Variants in TRPM6 observed in about 807,000 individuals in gnomAD.
TRPM6 encodes channel kinase 2.
TRPM6 carries 111 observed loss-of-function variants against 247.6 expected under a neutral mutation model. That is an observed-to-expected ratio of 0.45 (90% CI 0.38 to 0.52). The LOEUF is 0.52. Among genes scored for constraint, TRPM6 ranks in the 20% least tolerant of loss-of-function variants. The pLI, the probability that TRPM6 is intolerant of heterozygous loss-of-function variation, is 0.00. For synonymous variants in TRPM6, 892 were observed against 853.8 expected (o/e 1.04, Z -0.78); for missense variants, 2,126 against 2,421.5 (o/e 0.88, Z 2.56).
intron 1 of TRPM6, among the ~76,000 whole-genome samples, chr9:74,863,774 G>C (rs1267126200): frequency 6.6e-6 from 1 of 151,904 alleles, no homozygotes. Flanking sequence ...TTTTGGTAGA[G>C]ATGGGGTTTC....
intron 7 of TRPM6, among the ~76,000 whole-genome samples, chr9:74,824,145 T>G (rs1020170656): frequency 2.0e-5 from 3 of 150,870 alleles, no homozygotes; most frequent in Admixed American, 6.6e-5. Context: ...GAATTCAATT[T>G]CTGTTAGGTA....
intron 1 of TRPM6, among the ~76,000 whole-genome samples, chr9:74,877,134 A>G (rs1831217827): frequency 1.3e-5 from 2 of 152,252 alleles, no homozygotes; most frequent in African/African-American, 2.4e-5. Flanking sequence ...GTAAAATAAT[A>G]CAGTTGCTTT....
At chr9:74,862,382 G>A (rs548771405) in intron 1 of TRPM6, among the ~76,000 whole-genome samples, 6 of 152,260 alleles carry the variant, frequency 3.9e-5, no homozygotes, top group African/African-American at 1.2e-4. Flanking sequence ...AGCTATCATG[G>A]CAGTCTTCAT....
At chr9:74,831,622 TGGAATTGTATGAAAAGA>T (rs1829549934) in intron 6 of TRPM6, among the ~76,000 whole-genome samples, 1 of 151,986 alleles carries the variant, frequency 6.6e-6, no homozygotes, top group Admixed American at 6.6e-5. Flanking sequence ...TGATAGACAA[TGGAATTGTATGAAAAGA>T]GGAGGAGACA....
Position 74,739,782 on chromosome 9 carries a change from C to G in TRPM6, c.5428G>C (p.Val1810Leu). 1.2e-6 allele frequency: 2 copies of G among 1,614,144 alleles called. No individual in the cohort carries two copies. The highest frequency in any genetic ancestry group is 1.3e-5 in the African/African-American group (1 of 75,042). Reference protein sequence around the residue: ...VFIVKSFLPEVVRTWHKIFQE... With the variant: ...VFIVKSFLPELVRTWHKIFQE... ...AAGATTTTATGCCATGTCCGCACAACCTCAGGAAGAAAGGACTTGACAATG... is the reference window on the plus strand; with the variant it reads ...AAGATTTTATGCCATGTCCGCACAAGCTCAGGAAGAAAGGACTTGACAATG... The change falls in exon 34 of 39, where the codon GTT becomes CTT. Residue 1810 changes from valine (V) to leucine (L), a missense_variant. Val to Leu is a conservative substitution (Grantham distance 32, BLOSUM62 1). Transcript: ENST00000360774.
At chr9:74,739,483 T>C (rs761560968) in intron 34 of TRPM6, 34 bp from the exon 35 acceptor site, 27 of 1,592,946 alleles carry the variant, frequency 1.7e-5, no homozygotes, top group Middle Eastern at 1.7e-4. Context: ...AAAATACTGA[T>C]TTACTGTTGT....
At chr9:74,757,539 C>G (rs1291492576) in intron 27 of TRPM6, among the ~76,000 whole-genome samples, 1 of 140,536 alleles carries the variant, frequency 7.1e-6, no homozygotes, top group African/African-American at 2.7e-5. Flanking sequence ...GCACTCCAGC[C>G]TGGGTGACAG....
chr9:74,747,836 G>A lies in TRPM6; in HGVS notation c.5083+53C>T, dbSNP rs73650058. 5.3e-3 allele frequency: 7,382 copies of A among 1,399,148 alleles called. 249 individuals are homozygous for A. The African/African-American group carries it at 0.082, about 16-fold the overall frequency. The allele number at this position is 1,399,148 out of a possible 1,614,324, so 86.7% of individuals were successfully genotyped here. ...AAATATCAGCAGGACAGTGAACCTC[G>A]CATTAAAAAGATGAAAAAATAAAAA... is the stretch of plus-strand genomic sequence containing the variant. On this transcript the variant is annotated intron_variant, in intron 31 of 38. Coordinates refer to ENST00000360774, the MANE Select transcript of TRPM6 (RefSeq NM_017662.5).
At chr9:74,860,406 C>T (rs1587591216) in intron 1 of TRPM6, among the ~76,000 whole-genome samples, 2 of 151,988 alleles carry the variant, frequency 1.3e-5, no homozygotes, top group South Asian at 2.1e-4. Context: ...CAGCCTGGCT[C>T]ACTGCAATCT....
chr9:74,835,378 G>C (rs1829690762), intron 5 of TRPM6, among the ~76,000 whole-genome samples: 2 of 146,816 alleles, frequency 1.4e-5, no homozygotes, highest in South Asian at 4.6e-4. Context: ...CTCCTATTAT[G>C]AATGTTTTTT....
At chr9:74,848,737 C>A (rs888082391) in intron 3 of TRPM6, among the ~76,000 whole-genome samples, 12 of 152,288 alleles carry the variant, frequency 7.9e-5, no homozygotes, top group African/African-American at 2.9e-4. Flanking sequence ...TTCTAAATTT[C>A]TGTGTCTATA....
chr9:74,863,888 C>CTTTTT (rs57621871), intron 1 of TRPM6, among the ~76,000 whole-genome samples: 2 of 149,042 alleles, frequency 1.3e-5, no homozygotes, highest in Admixed American at 1.3e-4. Context: ...GCCCGGCAAC[C>CTTTTT]TTTTTTTTTT....
chr9:74,735,835 A>C (rs1825677955), intron 36 of TRPM6, among the ~76,000 whole-genome samples: 1 of 152,202 alleles, frequency 6.6e-6, no homozygotes, highest in Non-Finnish European at 1.5e-5. Flanking sequence ...CTGGTGTGGC[A>C]GCTTCTGGGG....
At chr9:74,759,819 A>G (rs1458817651) in intron 27 of TRPM6, among the ~76,000 whole-genome samples, 1 of 152,244 alleles carries the variant, frequency 6.6e-6, no homozygotes, top group African/African-American at 2.4e-5. Context: ...TACGAAAATT[A>G]AAAGGCAAAC....
chr9:74,767,374 G>A (rs73532449), intron 25 of TRPM6, among the ~76,000 whole-genome samples: 3,107 of 152,202 alleles, frequency 0.02, 113 homozygotes, highest in African/African-American at 0.072. Flanking sequence ...GTCCCAAATA[G>A]GGAAAGTAAG....
intron 17 of TRPM6, among the ~76,000 whole-genome samples, chr9:74,798,265 CTTT>C (rs67897159): frequency 6.9e-6 from 1 of 145,362 alleles, no homozygotes; most frequent in Non-Finnish European, 1.5e-5. Flanking sequence ...TGTCAACCTT[CTTT>C]TTTTTTTTTT....
At chr9:74,853,577 G>A (rs936654973) in intron 3 of TRPM6, among the ~76,000 whole-genome samples, 7 of 152,170 alleles carry the variant, frequency 4.6e-5, no homozygotes, top group African/African-American at 1.7e-4. Flanking sequence ...TGTGCTCTCT[G>A]AAACATGTGC....
intron 18 of TRPM6, among the ~76,000 whole-genome samples, chr9:74,795,055 G>A (rs759847442): frequency 6.6e-5 from 10 of 151,622 alleles, no homozygotes; most frequent in South Asian, 2.1e-4. Context: ...GTGATTTATC[G>A]ACCTGTCTAA....
chr9:74,846,880 T>A (rs1160332234), intron 3 of TRPM6, among the ~76,000 whole-genome samples: 2 of 152,216 alleles, frequency 1.3e-5, no homozygotes, highest in African/African-American at 4.8e-5. Flanking sequence ...AAGCACACTT[T>A]TAAGAAATTA....
Sources: gnomAD v4.1 joint callset for allele counts (sites outside exome capture counted in the v4.1 genomes callset) on GRCh38, gnomAD v4.1.1 for gene constraint, MANE v1.5 for transcripts, NCBI Gene and HGNC (gene_info 2026-07-23, HGNC 2026-07-21) for gene names.